CWF19L1: variants seen among roughly 807,000 people sequenced by gnomAD.
The protein encoded by CWF19L1 is CWF19-like protein 1.
Under a neutral mutation model 69.7 loss-of-function variants are expected in CWF19L1, and 60 were observed. The observed-to-expected ratio is 0.86, with a 90% CI of 0.70 to 1.07. CWF19L1 has a LOEUF of 1.07. CWF19L1 is among the 50% of genes least tolerant of loss of function. CWF19L1 has a pLI of 0.00. For missense variants in CWF19L1, 591 were observed against 638.9 expected (o/e 0.92, Z 0.81); for synonymous variants, 209 against 222.2 (o/e 0.94, Z 0.53).
intron 9 of CWF19L1, among the ~76,000 whole-genome samples, chr10:100,244,416 C>T (rs111706299): frequency 0.049 from 7,451 of 152,252 alleles, 606 homozygotes; most frequent in African/African-American, 0.17. Context: ...AGTACAGTGG[C>T]GCGATCTCGG....
intron 7 of CWF19L1, chr10:100,248,962 A>G (rs1056333540): frequency 1.1e-5 from 8 of 728,622 alleles, no homozygotes; most frequent in African/African-American, 5.2e-5. Context: ...GAACAGCCTG[A>G]TAGAGCTGCG....
rs769814872 is a variant in CWF19L1, at chr10:100,233,317, C to A, written c.1527G>T (p.Arg509Ser). ...ILNVPDKSDW[R>S]QCQISKEDEE... ...CGTCTTCCTTGCTGATCTGACACTG[C>A]CTCCAGTCAGACTTATCAGGAACAT... The change falls in exon 14 of 14, where the codon AGG becomes AGT. Residue 509 changes from arginine to serine, a missense_variant. Around this residue, in one of 3 missense-constraint regions of CWF19L1, gnomAD observed 458 missense variants for 489.3 expected, o/e 0.94. Coordinates refer to ENST00000354105, the MANE Select transcript of CWF19L1 (RefSeq NM_018294.6). 5.0e-6 allele frequency: 8 copies of A among 1,613,778 alleles called. No homozygotes were observed. The African/African-American group carries it at 1.1e-4, about 22-fold the overall frequency.
chr10:100,252,198 T>C (rs1847058832), intron 6 of CWF19L1, among the ~76,000 whole-genome samples: 1 of 152,210 alleles, frequency 6.6e-6, no homozygotes, highest in Non-Finnish European at 1.5e-5. Context: ...TGGCAGTATA[T>C]TCTTTAAGAA....
intron 9 of CWF19L1, among the ~76,000 whole-genome samples, chr10:100,244,400 G>A (rs1188937793): frequency 6.6e-6 from 1 of 152,200 alleles, no homozygotes; most frequent in Non-Finnish European, 1.5e-5. Flanking sequence ...CTGTCGCCTA[G>A]GGTGGAGTAC....
chr10:100,244,678 G>C lies in CWF19L1; in HGVS notation c.965-901C>G, dbSNP rs191553044. On this transcript the variant is annotated intron_variant, in intron 9 of 13. Transcript: ENST00000354105. The stretch of plus-strand genomic sequence containing the variant: ...CCCGTTATTTTATTTTTTTGAGACA[G>C]GGCCTTGCTCTGTCACCCAGGTTGG... Among the ~76,000 whole-genome samples, 415 of 150,772 alleles carry C rather than the reference G, an allele frequency of 2.8e-3. 2 individuals carry two copies. The highest frequency in any genetic ancestry group is 9.7e-3 in the African/African-American group (396 of 41,018).
At position 100,238,160 on chromosome 10, in the gene CWF19L1, C is replaced by T. The variant is rs756397762; in HGVS notation, c.1116G>A (p.Gln372=). ...CCTCTGCTGAAAGCTCCACCACTGA[C>T]TGGTAGTGTCCAATAGGCAGGATGA... The part of the protein sequence containing the change: ...HVLILPIGHY[Q]SVVELSAEVV... Residue 372 remains glutamine, a synonymous_variant, in exon 11 of 14, where the codon CAG becomes CAA. Transcript: ENST00000354105. The T allele has an allele frequency of 2.5e-6, 4 of 1,614,074 alleles. No individual in the cohort carries two copies. In the African/African-American group the frequency reaches 4.0e-5, roughly 16 times the overall value.
chr10:100,237,104 C>T, intron 11 of CWF19L1, 135 bp from the exon 12 acceptor site: 3 of 1,098,646 alleles, frequency 2.7e-6, no homozygotes, highest in Non-Finnish European at 4.0e-6. Context: ...TCAGGCCAGA[C>T]AAGCCTGTGT....
chr10:100,252,692 C>T (rs941680588), intron 6 of CWF19L1, among the ~76,000 whole-genome samples: 3 of 151,494 alleles, frequency 2.0e-5, no homozygotes, highest in African/African-American at 7.3e-5. Flanking sequence ...AAAACTTAGC[C>T]GGACGTGGTG....
intron 1 of CWF19L1, 193 bp downstream of exon 1, chr10:100,267,378 C>A (rs887423149): frequency 3.1e-6 from 3 of 974,932 alleles, no homozygotes; most frequent in Non-Finnish European, 3.7e-6. Context: ...GAGAAACCCC[C>A]TCAGAAGCGA....
In CWF19L1 at chr10:100,260,288, A is replaced by T; in HGVS notation, c.219T>A (p.Asn73Lys). 2 of 1,611,856 alleles carry T rather than the reference A, an allele frequency of 1.2e-6. No individual in the cohort carries two copies. The highest frequency in any genetic ancestry group is 1.7e-6 in the Non-Finnish European group (2 of 1,178,044). Residue 73 changes from asparagine to lysine, a missense_variant, in exon 4 of 14, where the codon AAT (asparagine) becomes AAA (lysine). Asn to Lys is a moderately conservative substitution (Grantham distance 94). Transcript: ENST00000354105. ...APIQTYVLGANNQETVKYFQD... is the reference protein window; with the variant it reads ...APIQTYVLGAKNQETVKYFQD... ...GGAAATATTTTACTGTTTCCTGGTT[A>T]TTAGCACCAAGCACATATGTCTGAA...
rs1303446820 is a variant in CWF19L1, at chr10:100,233,134, C to T, written c.*93G>A. 3.8e-5 allele frequency: 50 copies of T among 1,307,900 alleles called. No homozygotes were observed. The highest frequency in any genetic ancestry group is 1.2e-4 in the East Asian group (5 of 40,796). 81.0% of individuals were successfully genotyped at this position (1,307,900 alleles called of 1,614,324 possible). Reference sequence around the variant, plus strand: ...CTGCAATCCTGCTTGGGTGACAGAGCGAGACTTTGTCTCAAAAAAAATTCT... The same window carrying T: ...CTGCAATCCTGCTTGGGTGACAGAGTGAGACTTTGTCTCAAAAAAAATTCT... On this transcript the variant is annotated 3_prime_UTR_variant, in exon 14 of 14. Transcript: ENST00000354105.
intron 1 of CWF19L1, 39 bp downstream of exon 1, chr10:100,267,532 G>C (rs767189241): frequency 1.2e-6 from 2 of 1,614,156 alleles, no homozygotes; most frequent in Non-Finnish European, 1.7e-6. Flanking sequence ...ACACACGAAA[G>C]AGACACAGGG....
chr10:100,263,772 C>T (rs1018065919), intron 1 of CWF19L1, among the ~76,000 whole-genome samples: 47 of 152,308 alleles, frequency 3.1e-4, no homozygotes, highest in African/African-American at 1.1e-3. Flanking sequence ...CCATCACAAG[C>T]CTTGTTGATT....
intron 1 of CWF19L1, among the ~76,000 whole-genome samples, chr10:100,267,147 C>CCCAA (rs1847624171): frequency 5.2e-4 from 16 of 30,778 alleles, no homozygotes; most frequent in African/African-American, 1.2e-3. Flanking sequence ...CTCCTCCTCG[C>CCCAA]AAAAAAAAAA....
In CWF19L1 at chr10:100,262,054, A is replaced by C. The variant is rs779196825; in HGVS notation, c.33T>G (p.Cys11Trp). ...TATCAAACTTTCCTTCAACATCTCC[A>C]CAAGCCAAGCTGCAAACAAAGAGAT... The part of the protein sequence containing the change: MAQKPLRLLA[C>W]GDVEGKFDIL... Residue 11 changes from cysteine to tryptophan, a missense_variant, in exon 2 of 14, where the codon TGT (cysteine) becomes TGG (tryptophan). Around this residue, in one of 3 missense-constraint regions of CWF19L1, gnomAD observed 129 missense variants for 131.3 expected, o/e 0.98. Transcript: ENST00000354105. 6.2e-7 allele frequency: 1 copy of C among 1,610,064 alleles called. No homozygotes were observed. Among genetic ancestry groups the C allele is most frequent in the Non-Finnish European group, 8.5e-7 (1 of 1,179,088 alleles).
chr10:100,246,807 A>G lies in CWF19L1; in HGVS notation c.837T>C (p.Ile279=). 1.2e-6 allele frequency: 2 copies of G among 1,613,614 alleles called. No individual in the cohort carries two copies. Among genetic ancestry groups the G allele is most frequent in the Non-Finnish European group, 1.7e-6 (2 of 1,179,666 alleles). ...AATCAGAACATACCACAGGGGCAAG[A>G]ATTTGCTTTCCTATGGATGCTTCCT... ...SGQEASIGKQ[I]LAPVEESACQ... Residue 279 remains isoleucine, a synonymous_variant, in exon 8 of 14, where the codon ATT becomes ATC. Transcript: ENST00000354105.
At chr10:100,251,213 T>C (rs1325420809) in intron 6 of CWF19L1, among the ~76,000 whole-genome samples, 2 of 152,212 alleles carry the variant, frequency 1.3e-5, no homozygotes, top group Non-Finnish European at 2.9e-5. Context: ...GGACATATGT[T>C]TTCCCTTATC....
At chr10:100,250,359 T>G (rs758343240) in intron 6 of CWF19L1, 27 bp from the exon 7 acceptor site, 7 of 1,457,822 alleles carry the variant, frequency 4.8e-6, no homozygotes, top group Non-Finnish European at 5.8e-6. Context: ...AGACAAAAAA[T>G]TGCAAACAAT....
chr10:100,236,613 T>A (rs1174538256), intron 12 of CWF19L1, among the ~76,000 whole-genome samples: 2 of 151,962 alleles, frequency 1.3e-5, no homozygotes, highest in Admixed American at 1.3e-4. Flanking sequence ...CGACTAAAAA[T>A]ACAAAAAGTA....
Sources: allele counts gnomAD v4.1 joint callset (sites outside exome capture counted in the v4.1 genomes callset), GRCh38; gene constraint gnomAD v4.1.1; regional missense constraint gnomAD v4.1.1; transcripts MANE v1.5; gene names NCBI Gene and HGNC (gene_info 2026-07-23, HGNC 2026-07-21).